Variants in RPGRIP1 observed in about 807,000 individuals in gnomAD.
RPGRIP1 encodes RPGR interacting protein 1, also known as X-linked retinitis pigmentosa GTPase regulator-interacting protein 1.
Under a neutral mutation model 157.9 loss-of-function variants are expected in RPGRIP1, and 128 were observed. That is an observed-to-expected ratio of 0.81 (90% CI 0.70 to 0.94). The LOEUF (loss-of-function observed/expected upper bound fraction) is 0.94, where lower values mean the gene tolerates loss of function less well. RPGRIP1 is among the 40% of genes least tolerant of loss of function. The pLI is 0.00. For missense variants in RPGRIP1, 1,486 were observed against 1,545.8 expected (o/e 0.96, Z 0.65); for synonymous variants, 554 against 571.6 (o/e 0.97, Z 0.44).
chr14:21,309,805 G>A (rs1219683110), intron 7 of RPGRIP1, among the ~76,000 whole-genome samples: 1 of 149,046 alleles, frequency 6.7e-6, no homozygotes, highest in Non-Finnish European at 1.5e-5. Flanking sequence ...AAGATTATTT[G>A]ACCTTTTTTA....
At chr14:21,292,320 A>AT (rs71112567) in intron 2 of RPGRIP1, among the ~76,000 whole-genome samples, 42,919 of 148,852 alleles carry the variant, frequency 0.29, 6,239 homozygotes, top group Middle Eastern at 0.34. Context: ...GGGAAGTTGT[A>AT]TTTTTTTTTT....
chr14:21,324,814 C>T lies in RPGRIP1; in HGVS notation c.1959C>T (p.Phe653=). 6.2e-7 allele frequency: 1 copy of T among 1,614,064 alleles called. No homozygotes were observed. Among genetic ancestry groups the T allele is most frequent in the Non-Finnish European group, 8.5e-7 (1 of 1,179,894 alleles). Residue 653 remains phenylalanine, a synonymous_variant, in exon 15 of 25, where the codon TTC becomes TTT. Coordinates refer to ENST00000400017, the MANE Select transcript of RPGRIP1 (RefSeq NM_020366.4). ...AQAGDTQPTT[F]CTYSFYDFET... ...CTGGAGATACCCAACCTACCACTTTCTGCACCTATTCCTTCTATGACTTTG... is the reference window on the plus strand; with the variant it reads ...CTGGAGATACCCAACCTACCACTTTTTGCACCTATTCCTTCTATGACTTTG...
At chr14:21,311,566 A>C (rs944409134) in intron 8 of RPGRIP1, among the ~76,000 whole-genome samples, 2 of 138,350 alleles carry the variant, frequency 1.4e-5, no homozygotes, top group South Asian at 2.3e-4. Flanking sequence ...TAAATAAATA[A>C]ATACAAGAAA....
intron 20 of RPGRIP1, among the ~76,000 whole-genome samples, chr14:21,332,375 A>G (rs564043849): frequency 1.6e-4 from 24 of 152,338 alleles, no homozygotes; most frequent in African/African-American, 4.3e-4. Flanking sequence ...AGTTTACTCA[A>G]TGTAAGGAAG....
chr14:21,288,124 C>A, intron 2 of RPGRIP1, 63 bp downstream of exon 2: 2 of 1,021,686 alleles, frequency 2.0e-6, no homozygotes, highest in Non-Finnish European at 3.1e-6. Context: ...TGTGGAACAT[C>A]TTGCTGGCCT....
rs1883034292 is a variant in RPGRIP1, at chr14:21,325,884, G to C, written c.2421G>C (p.Lys807Asn). Reference sequence around the variant, plus strand: ...ACGAGCTGTGGATTGAAATCACCAAGTGCTGTGGCCTCCGGAGTCGATGGC... The same window carrying C: ...ACGAGCTGTGGATTGAAATCACCAACTGCTGTGGCCTCCGGAGTCGATGGC... Reference protein sequence around the residue: ...PQNELWIEITKCCGLRSRWLG... With the variant: ...PQNELWIEITNCCGLRSRWLG... Residue 807 changes from lysine (K) to asparagine (N), a missense_variant, in exon 17 of 25, where the codon AAG becomes AAC. Coordinates refer to ENST00000400017, the MANE Select transcript of RPGRIP1 (RefSeq NM_020366.4). 6.2e-7 allele frequency: 1 copy of C among 1,613,910 alleles called. No homozygotes were observed. The highest frequency in any genetic ancestry group is 1.3e-5 in the African/African-American group (1 of 75,034).
intron 24 of RPGRIP1, among the ~76,000 whole-genome samples, chr14:21,350,598 A>C (rs1212495424): frequency 1.3e-5 from 2 of 152,134 alleles, no homozygotes; most frequent in African/African-American, 4.8e-5. Flanking sequence ...TCCAACTGTG[A>C]TCCTTAGTCT....
At chr14:21,347,348 G>A (rs1167950162) in intron 23 of RPGRIP1, among the ~76,000 whole-genome samples, 4 of 152,128 alleles carry the variant, frequency 2.6e-5, no homozygotes, top group African/African-American at 4.8e-5. Context: ...TATTGTGCCC[G>A]GCACATTGTA....
intron 10 of RPGRIP1, 90 bp downstream of exon 10, chr14:21,312,596 G>T: frequency 1.4e-6 from 1 of 703,592 alleles, no homozygotes; most frequent in Non-Finnish European, 2.4e-6. Flanking sequence ...ATAAATATAT[G>T]GGGAAATTGG....
At chr14:21,341,193 G>T (rs1413560216) in intron 21 of RPGRIP1, among the ~76,000 whole-genome samples, 1 of 152,100 alleles carries the variant, frequency 6.6e-6, no homozygotes, top group Non-Finnish European at 1.5e-5. Context: ...ACCATGCCTG[G>T]CTAATTTTTG....
In RPGRIP1 at chr14:21,297,881, T is replaced by TTTCTTTC. The variant is rs1555365068; in HGVS notation, c.218+3074_218+3075insCTTTCTT. Among the ~76,000 whole-genome samples the TTTCTTTC allele has an allele frequency of 0.02, 348 of 17,782 alleles. 4 individuals are homozygous for TTTCTTTC. The Middle Eastern group carries it at 0.34, about 18-fold the overall frequency. The allele number at this position is 17,782 out of a possible 152,430, so 11.7% of individuals were successfully genotyped here. A position where few individuals can be genotyped will look rare whatever the true frequency, so the allele number is the denominator to read the frequency against. ...TCTTTCTTTCTTTCTTTCTTTCTTT[T>TTTCTTTC]TTTTGAGATAGGGTCTCACTCTGGC... On this transcript the variant is annotated intron_variant, in intron 3 of 24. Transcript: ENST00000400017.
intron 21 of RPGRIP1, among the ~76,000 whole-genome samples, chr14:21,337,865 C>T (rs1011695642): frequency 6.6e-5 from 10 of 151,308 alleles, no homozygotes; most frequent in African/African-American, 2.4e-4. Flanking sequence ...AAGCGACTCT[C>T]CTGCCTCAGC....
chr14:21,328,047 G>A (rs1394079392), intron 18 of RPGRIP1, among the ~76,000 whole-genome samples: 2 of 152,178 alleles, frequency 1.3e-5, no homozygotes, highest in Admixed American at 1.3e-4. Flanking sequence ...GCACATGCCT[G>A]TAATCCCAGC....
rs1406700333 is a variant in RPGRIP1 at position 21,310,039 on chromosome 14, T to A, written c.907-545T>A. On this transcript the variant is annotated intron_variant, in intron 7 of 24. Coordinates refer to ENST00000400017, the MANE Select transcript of RPGRIP1 (RefSeq NM_020366.4). ...AGCCGAGGTTGCAGTGAGCCAAGAT[T>A]GTGCCGCAGCACTCCAGCCTGGGCA... Among the ~76,000 whole-genome samples, 5 of 32,330 alleles carry A rather than the reference T, an allele frequency of 1.5e-4. 2 individuals carry two copies. The highest frequency in any genetic ancestry group is 3.2e-4 in the Non-Finnish European group (5 of 15,640). 21.2% of individuals were successfully genotyped at this position (32,330 alleles called of 152,430 possible).
chr14:21,330,288 A>C lies in RPGRIP1; in HGVS notation c.3139A>C (p.Ser1047Arg). The C allele has an allele frequency of 1.3e-6, 2 of 1,577,828 alleles. No individual in the cohort carries two copies. The highest frequency in any genetic ancestry group is 2.4e-5 in the East Asian group (1 of 41,464). The change falls in exon 20 of 25, where the codon AGC becomes CGC. Residue 1047 changes from serine to arginine, a missense_variant. Transcript: ENST00000400017. ...YTEWKFSETN[S>R]FIGDGFKNQH... ...TGAGTGGAAGTTCTCAGAGACTAAC[A>C]GCTTCATAGGTGATGGCTTTAAAAA...
intron 7 of RPGRIP1, among the ~76,000 whole-genome samples, chr14:21,309,665 A>G (rs995455924): frequency 6.6e-6 from 1 of 152,170 alleles, no homozygotes; most frequent in Non-Finnish European, 1.5e-5. Flanking sequence ...TGAAGGACAC[A>G]CTAAGAATTT....
At chr14:21,334,352 G>A (rs530672633) in intron 20 of RPGRIP1, among the ~76,000 whole-genome samples, 4 of 150,904 alleles carry the variant, frequency 2.7e-5, no homozygotes, top group Non-Finnish European at 5.9e-5. Flanking sequence ...CTTCCTTCCT[G>A]TCTTCCTTCC....
In RPGRIP1 at chr14:21,317,813, C is replaced by G; in HGVS notation, c.1269C>G (p.Asp423Glu). The G allele has an allele frequency of 6.2e-7, 1 of 1,606,334 alleles. No individual in the cohort carries two copies. Among genetic ancestry groups the G allele is most frequent in the South Asian group, 1.1e-5 (1 of 89,102 alleles). ...LQDQLDAELE[D>E]KRKVLLELSR... ...ATCAGCTGGATGCTGAGCTGGAGGACAAGAGAAAAGTTTTACTTGAGCTGT... is the reference window on the plus strand; with the variant it reads ...ATCAGCTGGATGCTGAGCTGGAGGAGAAGAGAAAAGTTTTACTTGAGCTGT... The change falls in exon 11 of 25, where the codon GAC (aspartate) becomes GAG (glutamate). Residue 423 changes from aspartate (D) to glutamate (E), a missense_variant. Coordinates refer to ENST00000400017, the MANE Select transcript of RPGRIP1 (RefSeq NM_020366.4).
At chr14:21,314,715 A>G (rs1291322734) in intron 10 of RPGRIP1, among the ~76,000 whole-genome samples, 1 of 29,944 alleles carries the variant, frequency 3.3e-5, no homozygotes, top group South Asian at 1.5e-3. Context: ...CTCTGTCTCG[A>G]AAAAAAAAAA....
Sources: allele counts gnomAD v4.1 joint callset (sites outside exome capture counted in the v4.1 genomes callset), GRCh38; gene constraint gnomAD v4.1.1; transcripts MANE v1.5; gene names NCBI Gene and HGNC (gene_info 2026-07-23, HGNC 2026-07-21).